Variants in SCHIP1 observed in about 807,000 individuals in gnomAD.
SCHIP1 encodes schwannomin interacting protein 1.
SCHIP1 carries 8 observed loss-of-function variants against 29.7 expected under a neutral mutation model. That is an observed-to-expected ratio of 0.27 (90% CI 0.16 to 0.49). The LOEUF (loss-of-function observed/expected upper bound fraction) is 0.49. Among genes scored for constraint, SCHIP1 ranks in the 20% least tolerant of loss-of-function variants. The pLI, the probability that SCHIP1 is intolerant of heterozygous loss-of-function variation, is 0.99. For synonymous variants in SCHIP1, 76 were observed against 94.9 expected (o/e 0.80, Z 1.16); for missense variants, 193 against 294.6 (o/e 0.66, Z 2.52).
chr3:159,285,598 T>G, the SCHIP1 span, among the ~76,000 whole-genome samples: 3 of 152,148 alleles, frequency 2.0e-5, no homozygotes, highest in African/African-American at 7.2e-5. Context: ...CTTTTTTTGT[T>G]TCTCATATCA....
the SCHIP1 span, among the ~76,000 whole-genome samples, chr3:159,627,053 C>T: frequency 9.2e-5 from 14 of 152,152 alleles, no homozygotes; most frequent in Non-Finnish European, 1.6e-4. Context: ...CGACGGGCCC[C>T]GGTGTGTGTT....
chr3:159,540,899 G>A, the SCHIP1 span, among the ~76,000 whole-genome samples: 1 of 151,974 alleles, frequency 6.6e-6, no homozygotes, highest in East Asian at 1.9e-4. Context: ...CTATTACTGA[G>A]AGCCCTCAAC....
At chr3:159,574,159 G>A in the SCHIP1 span, among the ~76,000 whole-genome samples, 164 of 152,316 alleles carry the variant, frequency 1.1e-3, no homozygotes, top group Non-Finnish European at 1.7e-3. Flanking sequence ...CGTTGCTGGC[G>A]AGGAGCTGCA....
At chr3:159,639,530 T>C in the SCHIP1 span, among the ~76,000 whole-genome samples, 2 of 152,202 alleles carry the variant, frequency 1.3e-5, no homozygotes, top group Non-Finnish European at 2.9e-5. Context: ...AGGTGTGTTT[T>C]ATGGCTAAAT....
chr3:159,454,639 T>C, the SCHIP1 span, among the ~76,000 whole-genome samples: 4 of 152,204 alleles, frequency 2.6e-5, no homozygotes, highest in African/African-American at 7.2e-5. Flanking sequence ...AGAATTTCCA[T>C]GGTCTCAGAA....
the SCHIP1 span, among the ~76,000 whole-genome samples, chr3:159,563,122 T>A: frequency 6.6e-6 from 1 of 152,220 alleles, no homozygotes. Context: ...CATCTGCAGA[T>A]GCCATTCTTC....
At chr3:159,828,388 C>CATATGTATAT in the SCHIP1 span, among the ~76,000 whole-genome samples, 3 of 65,328 alleles carry the variant, frequency 4.6e-5, no homozygotes, top group African/African-American at 1.4e-4. Context: ...TATATATATA[C>CATATGTATAT]ATATATACGT....
chr3:159,355,026 C>T, the SCHIP1 span, among the ~76,000 whole-genome samples: 55,844 of 151,922 alleles, frequency 0.37, 11,431 homozygotes, highest in East Asian at 0.47. Context: ...TATTTATTGA[C>T]GAAGCATTTT....
chr3:159,737,240 A>G, the SCHIP1 span, among the ~76,000 whole-genome samples: 1 of 151,228 alleles, frequency 6.6e-6, no homozygotes, highest in African/African-American at 2.4e-5. Flanking sequence ...TCTATTATCC[A>G]CTCCTGCTTG....
the SCHIP1 span, among the ~76,000 whole-genome samples, chr3:159,451,790 G>A: frequency 6.6e-6 from 1 of 152,146 alleles, no homozygotes; most frequent in Non-Finnish European, 1.5e-5. Flanking sequence ...AAAGCAGAAT[G>A]TTCTAGGAGG....
chr3:159,332,638 G>A, the SCHIP1 span, among the ~76,000 whole-genome samples: 1 of 152,152 alleles, frequency 6.6e-6, no homozygotes, highest in African/African-American at 2.4e-5. Flanking sequence ...TGACTTTCTA[G>A]TGGAATTTTT....
the SCHIP1 span, among the ~76,000 whole-genome samples, chr3:159,596,035 T>G: frequency 6.6e-6 from 1 of 152,002 alleles, no homozygotes; most frequent in African/African-American, 2.4e-5. Context: ...ATGGGAGAAA[T>G]TTTTTACAAT....
chr3:159,354,060 T>C, the SCHIP1 span, among the ~76,000 whole-genome samples: 9 of 152,156 alleles, frequency 5.9e-5, no homozygotes, highest in African/African-American at 2.2e-4. Context: ...ACCACTAGAG[T>C]TATTTTAAAT....
the SCHIP1 span, among the ~76,000 whole-genome samples, chr3:159,489,441 ACCAT>A: frequency 1.3e-5 from 2 of 152,306 alleles, no homozygotes; most frequent in East Asian, 3.9e-4. Flanking sequence ...GGAGATAAAA[ACCAT>A]CTTTTAATTT....
chr3:159,811,980 G>GTTTTTTT, the SCHIP1 span, among the ~76,000 whole-genome samples: 1 of 134,760 alleles, frequency 7.4e-6, no homozygotes, highest in Non-Finnish European at 1.6e-5. Context: ...TTTTGTTTTT[G>GTTTTTTT]TTTTTTTTTT....
At chr3:159,418,714 C>T in the SCHIP1 span, among the ~76,000 whole-genome samples, 16 of 152,310 alleles carry the variant, frequency 1.1e-4, no homozygotes, top group Admixed American at 2.6e-4. Context: ...TTAGCTCTGA[C>T]GGTCTGGCTT....
At chr3:159,679,080 T>C in the SCHIP1 span, among the ~76,000 whole-genome samples, 1 of 152,182 alleles carries the variant, frequency 6.6e-6, no homozygotes, top group Non-Finnish European at 1.5e-5. Flanking sequence ...CTATCTCCTC[T>C]ACCTCCCAAT....
chr3:159,439,284 C>T, the SCHIP1 span, among the ~76,000 whole-genome samples: 1 of 152,124 alleles, frequency 6.6e-6, no homozygotes, highest in Non-Finnish European at 1.5e-5. Flanking sequence ...TCTGTTGACT[C>T]ACAGTTCAGC....
At chr3:159,786,033 C>T in the SCHIP1 span, among the ~76,000 whole-genome samples, 1 of 152,056 alleles carries the variant, frequency 6.6e-6, no homozygotes, top group African/African-American at 2.4e-5. Context: ...ATTTTCCCTC[C>T]CTCTATGGGG....
Sources: gnomAD v4.1 joint callset for allele counts (sites outside exome capture counted in the v4.1 genomes callset) on GRCh38, gnomAD v4.1.1 for gene constraint, MANE v1.5 for transcripts, NCBI Gene and HGNC (gene_info 2026-07-23, HGNC 2026-07-21) for gene names.